KCNAB1: variants seen among roughly 807,000 people sequenced by gnomAD.
KCNAB1 encodes voltage-gated potassium channel subunit beta-1.
Under a neutral mutation model 64.6 loss-of-function variants are expected in KCNAB1, and 35 were observed. That is an observed-to-expected ratio of 0.54 (90% CI 0.41 to 0.72). The LOEUF is 0.72. KCNAB1 is among the 30% of genes least tolerant of loss of function. The pLI is 0.00. For missense variants in KCNAB1, 401 were observed against 512.9 expected, an observed-to-expected ratio of 0.78 and a Z score of 2.11; for synonymous variants, 177 against 183.8, an observed-to-expected ratio of 0.96 and a Z score of 0.30.
At chr3:156,219,610 A>T (rs62286206) in intron 1 of KCNAB1, among the ~76,000 whole-genome samples, 1 of 152,034 alleles carries the variant, frequency 6.6e-6, no homozygotes, top group Non-Finnish European at 1.5e-5. Flanking sequence ...CTCAAAGAAC[A>T]TGTGGGAAAT....
At chr3:156,329,965 A>G (rs2108042838) in intron 1 of KCNAB1, among the ~76,000 whole-genome samples, 1 of 152,340 alleles carries the variant, frequency 6.6e-6, no homozygotes, top group African/African-American at 2.4e-5. Flanking sequence ...GTAAATAGAG[A>G]AAGGAATTCT....
At chr3:156,264,312 A>G (rs1440350378) in intron 1 of KCNAB1, among the ~76,000 whole-genome samples, 1 of 152,058 alleles carries the variant, frequency 6.6e-6, no homozygotes, top group Non-Finnish European at 1.5e-5. Flanking sequence ...TCTTATACAC[A>G]GCATATAGTT....
chr3:156,360,726 TA>T (rs879725781), intron 1 of KCNAB1, among the ~76,000 whole-genome samples: 1,990 of 140,026 alleles, frequency 0.014, 21 homozygotes, highest in African/African-American at 0.036. Context: ...TCCCTCTATT[TA>T]AAAAAAAAAA....
At chr3:156,459,502 A>G (rs1484353743) in intron 4 of KCNAB1, among the ~76,000 whole-genome samples, 4 of 152,208 alleles carry the variant, frequency 2.6e-5, no homozygotes, top group East Asian at 1.9e-4. Context: ...CTCCCTTTGG[A>G]CACTACCAAG....
chr3:156,142,040 G>A (rs1714734005), intron 1 of KCNAB1, among the ~76,000 whole-genome samples: 1 of 152,158 alleles, frequency 6.6e-6, no homozygotes, highest in Non-Finnish European at 1.5e-5. Flanking sequence ...TGTGCCATCT[G>A]TATATCTTCT....
intron 2 of KCNAB1, among the ~76,000 whole-genome samples, chr3:156,441,920 T>G (rs896438834): frequency 1.3e-5 from 2 of 152,198 alleles, no homozygotes; most frequent in African/African-American, 4.8e-5. Flanking sequence ...TTGTAGAAAC[T>G]CTTGCTCATG....
At chr3:156,132,821 A>G (rs1399141360) in intron 1 of KCNAB1, among the ~76,000 whole-genome samples, 1 of 152,236 alleles carries the variant, frequency 6.6e-6, no homozygotes, top group Non-Finnish European at 1.5e-5. Flanking sequence ...TGCTCCCAGA[A>G]GCAGGAGACA....
At chr3:156,477,027 G>A (rs1714417905) in intron 8 of KCNAB1, among the ~76,000 whole-genome samples, 1 of 152,030 alleles carries the variant, frequency 6.6e-6, no homozygotes. Flanking sequence ...GGAATATATT[G>A]TAGGAGTCTC....
rs60888308 is a variant in KCNAB1, at chr3:156,387,014, C to CTCTTT, written c.276-34601_276-34600insCTTTT. Among the ~76,000 whole-genome samples the CTCTTT allele has an allele frequency of 5.2e-4, 47 of 90,500 alleles. 2 individuals are homozygous for CTCTTT. Among genetic ancestry groups the CTCTTT allele is most frequent in the African/African-American group, 2.2e-3 (40 of 18,366 alleles). The allele number at this position is 90,500 out of a possible 152,430, so 59.4% of individuals were successfully genotyped here. ...TCTTGCTTGCTTGCTTTCTCTCTCT[C>CTCTTT]TTTTTTTTTTTTTTTTTTTTGCCTG... On this transcript the variant is annotated intron_variant, in intron 1 of 13. Coordinates refer to ENST00000490337, the MANE Select transcript of KCNAB1 (RefSeq NM_172160.3).
intron 2 of KCNAB1, among the ~76,000 whole-genome samples, chr3:156,446,258 A>G (rs1711546094): frequency 6.6e-6 from 1 of 152,216 alleles, no homozygotes; most frequent in Non-Finnish European, 1.5e-5. Context: ...CCTCCTCCAC[A>G]TCAACTCTAG....
intron 1 of KCNAB1, among the ~76,000 whole-genome samples, chr3:156,397,014 T>G (rs1713514181): frequency 6.6e-6 from 1 of 152,244 alleles, no homozygotes; most frequent in Admixed American, 6.5e-5. Flanking sequence ...GATGTGTACA[T>G]GTAAAAATAT....
chr3:156,316,686 G>A (rs1269240255), intron 1 of KCNAB1, among the ~76,000 whole-genome samples: 1 of 152,214 alleles, frequency 6.6e-6, no homozygotes, highest in African/African-American at 2.4e-5. Context: ...CTGAAGAGAG[G>A]GTGGTGCCTG....
chr3:156,448,549 C>G (rs1711755885), intron 2 of KCNAB1, among the ~76,000 whole-genome samples: 1 of 152,164 alleles, frequency 6.6e-6, no homozygotes, highest in Non-Finnish European at 1.5e-5. Flanking sequence ...CCCACCTACA[C>G]TGGGCCACTT....
At chr3:156,353,092 G>A (rs772250168) in intron 1 of KCNAB1, among the ~76,000 whole-genome samples, 8 of 152,230 alleles carry the variant, frequency 5.3e-5, no homozygotes, top group Non-Finnish European at 1.0e-4. Context: ...TGCTATAAGT[G>A]ATTGGGAAGC....
intron 1 of KCNAB1, among the ~76,000 whole-genome samples, chr3:156,342,585 CTTTTTTT>C (rs60982892): frequency 3.5e-5 from 3 of 86,254 alleles, no homozygotes; most frequent in East Asian, 3.8e-4. Flanking sequence ...CTATGTGTTT[CTTTTTTT>C]TTTTTTTTTT....
chr3:156,519,584 C>T (rs751897543), intron 11 of KCNAB1, among the ~76,000 whole-genome samples: 33 of 152,128 alleles, frequency 2.2e-4, no homozygotes, highest in Non-Finnish European at 1.9e-4. Context: ...TCTCTGGTTG[C>T]GAGTAACAAA....
chr3:156,326,747 C>G (rs1453267088), intron 1 of KCNAB1, among the ~76,000 whole-genome samples: 1 of 152,122 alleles, frequency 6.6e-6, no homozygotes, highest in African/African-American at 2.4e-5. Flanking sequence ...GTACTTCATT[C>G]AGTTCTCTGC....
chr3:156,432,382 G>A (rs1001403553), intron 2 of KCNAB1, among the ~76,000 whole-genome samples: 2 of 152,148 alleles, frequency 1.3e-5, no homozygotes, highest in African/African-American at 4.8e-5. Flanking sequence ...AAGGATTAGT[G>A]AGACCTAAGG....
intron 1 of KCNAB1, among the ~76,000 whole-genome samples, chr3:156,147,853 CCT>C (rs1465102855): frequency 3.3e-5 from 5 of 151,860 alleles, no homozygotes; most frequent in African/African-American, 1.2e-4. Context: ...GACTAGAACC[CCT>C]GTCTCTTAGT....
Sources: gnomAD v4.1 joint callset for allele counts (sites outside exome capture counted in the v4.1 genomes callset) on GRCh38, gnomAD v4.1.1 for gene constraint, MANE v1.5 for transcripts, NCBI Gene and HGNC (gene_info 2026-07-23, HGNC 2026-07-21) for gene names.